Variants in MYO3A observed in about 807,000 individuals in gnomAD.
The protein encoded by MYO3A is myosin IIIA.
MYO3A carries 180 observed loss-of-function variants against 192.7 expected under a neutral mutation model. That is an observed-to-expected ratio of 0.93 (90% CI 0.83 to 1.06). The LOEUF (loss-of-function observed/expected upper bound fraction) is 1.06, where lower values mean the gene tolerates loss of function less well. Ranked by LOEUF, MYO3A falls within the 50% of genes least tolerant of loss-of-function variation. The probability of loss-of-function intolerance (pLI) is 0.00; values close to 1 mark genes in which losing one functional copy is unlikely to be tolerated. For synonymous variants in MYO3A, 628 were observed against 645.3 expected (o/e 0.97, Z 0.41); for missense variants, 1,896 against 1,905.0 (o/e 1.00, Z 0.09).
intron 4 of MYO3A, among the ~76,000 whole-genome samples, chr10:25,971,398 A>G (rs1369057628): frequency 6.6e-6 from 1 of 152,190 alleles, no homozygotes; most frequent in Non-Finnish European, 1.5e-5. Context: ...CATTTACAGT[A>G]TATCTTCATT....
At chr10:26,160,374 T>C (rs1019104878) in intron 26 of MYO3A, among the ~76,000 whole-genome samples, 2 of 152,134 alleles carry the variant, frequency 1.3e-5, no homozygotes, top group African/African-American at 4.8e-5. Context: ...CCAGGAAGGC[T>C]GATGAGAGAG....
intron 7 of MYO3A, among the ~76,000 whole-genome samples, chr10:26,018,901 AT>A (rs1360542040): frequency 6.6e-6 from 1 of 152,194 alleles, no homozygotes; most frequent in Non-Finnish European, 1.5e-5. Flanking sequence ...AAAAGACATT[AT>A]TTTTACACTC....
rs535237118 is a variant in MYO3A at position 26,016,925 on chromosome 10, G to C, written c.585+29G>C. The C allele has an allele frequency of 1.9e-6, 3 of 1,592,050 alleles. No individual in the cohort carries two copies. In the African/African-American group the frequency reaches 4.0e-5, roughly 21 times the overall value. On this transcript the variant is annotated intron_variant, in intron 7 of 34. Coordinates refer to ENST00000642920, the MANE Select transcript of MYO3A (RefSeq NM_017433.5). ...AGATAGAGTTTTGAGGCAGACAAAC[G>C]TAATAGCTGATCCTGTTTGACTTTC...
rs1379413436 is a variant in MYO3A at position 26,016,878 on chromosome 10, G to C, written c.567G>C (p.Pro189=). The change falls in exon 7 of 35, where the codon CCG becomes CCC. Residue 189 remains proline (P), a synonymous_variant. Coordinates refer to ENST00000642920, the MANE Select transcript of MYO3A (RefSeq NM_017433.5). ...RHRRNTSVGT[P]FWMAPEVIAC... is the part of the protein sequence containing the mutation. ...GTCGGAACACATCCGTAGGAACACC[G>C]TTTTGGATGGCTCCTGAGGTCAGAT... The C allele has an allele frequency of 6.2e-7, 1 of 1,614,154 alleles. No homozygotes were observed. The highest frequency in any genetic ancestry group is 1.6e-4 in the Middle Eastern group (1 of 6,062).
intron 15 of MYO3A, among the ~76,000 whole-genome samples, chr10:26,092,465 C>CAAAAA (rs112109851): frequency 4.1e-5 from 6 of 147,876 alleles, no homozygotes; most frequent in Admixed American, 6.7e-5. Flanking sequence ...GACTCTGTCT[C>CAAAAA]AAAAAAAAAA....
chr10:26,200,488 A>G (rs1843632505), intron 32 of MYO3A, among the ~76,000 whole-genome samples: 1 of 152,210 alleles, frequency 6.6e-6, no homozygotes, highest in South Asian at 2.1e-4. Flanking sequence ...GGCAACATGT[A>G]AATAGATGAG....
chr10:25,939,870 C>A (rs1836363295), intron 2 of MYO3A, among the ~76,000 whole-genome samples: 2 of 119,256 alleles, frequency 1.7e-5, no homozygotes, highest in Non-Finnish European at 3.9e-5. Context: ...TTCTTTATTT[C>A]TTTCAGCCTT....
intron 5 of MYO3A, 101 bp from the exon 6 acceptor site, chr10:25,997,058 T>A (rs891749505): frequency 1.5e-5 from 13 of 855,766 alleles, no homozygotes; most frequent in African/African-American, 1.4e-4. Context: ...AATGTTAATT[T>A]TATTATGTGT....
chr10:26,122,270 T>A (rs1334221535), intron 18 of MYO3A, among the ~76,000 whole-genome samples: 1 of 152,236 alleles, frequency 6.6e-6, no homozygotes, highest in Non-Finnish European at 1.5e-5. Flanking sequence ...GACAGTCATA[T>A]AAGTTACAAA....
intron 4 of MYO3A, among the ~76,000 whole-genome samples, chr10:25,993,211 T>C (rs1009825543): frequency 6.6e-6 from 1 of 152,206 alleles, no homozygotes; most frequent in Non-Finnish European, 1.5e-5. Flanking sequence ...TATTCAGAGA[T>C]TCAACTTCTT....
In MYO3A at chr10:26,024,040, A is replaced by G; in HGVS notation, c.750A>G (p.Leu250=). The G allele has an allele frequency of 6.2e-7, 1 of 1,613,068 alleles. No individual in the cohort carries two copies. The highest frequency in any genetic ancestry group is 8.5e-7 in the Non-Finnish European group (1 of 1,179,174). Residue 250 remains leucine (L), a synonymous_variant, in exon 9 of 35, where the codon CTA becomes CTG. Transcript: ENST00000642920. ...TTTCTAGGAATCCACCCCCAAAACT[A>G]AGGCAGCCTGAGCTATGGTCAGCAG... ...FKIPRNPPPK[L]RQPELWSAEF... is the part of the protein sequence containing the mutation.
chr10:26,147,693 T>C, intron 23 of MYO3A, 134 bp downstream of exon 23: 3 of 1,306,268 alleles, frequency 2.3e-6, no homozygotes, highest in South Asian at 2.5e-5. Flanking sequence ...CATTTGTTAA[T>C]ATCCTCTGCC....
intron 2 of MYO3A, among the ~76,000 whole-genome samples, chr10:25,951,069 T>C (rs752830542): frequency 3.3e-5 from 5 of 152,164 alleles, no homozygotes; most frequent in Non-Finnish European, 4.4e-5. Flanking sequence ...ACCTATTCTT[T>C]TAATTAATTG....
At chr10:25,991,688 G>A (rs1254716073) in intron 4 of MYO3A, among the ~76,000 whole-genome samples, 2 of 152,140 alleles carry the variant, frequency 1.3e-5, no homozygotes, top group Non-Finnish European at 2.9e-5. Flanking sequence ...ATTAAGTTTT[G>A]TATAAGGTGT....
intron 17 of MYO3A, among the ~76,000 whole-genome samples, chr10:26,099,680 T>G (rs1837306069): frequency 6.6e-6 from 1 of 152,240 alleles, no homozygotes; most frequent in African/African-American, 2.4e-5. Context: ...ATGTGGTTTT[T>G]GTCTTTAGTT....
chr10:26,071,531 A>T (rs1329635552), intron 14 of MYO3A, among the ~76,000 whole-genome samples: 1 of 152,182 alleles, frequency 6.6e-6, no homozygotes, highest in Non-Finnish European at 1.5e-5. Flanking sequence ...GAAAAATTTG[A>T]TTTTGTCAAA....
At chr10:26,071,008 A>G (rs1433766222) in intron 14 of MYO3A, among the ~76,000 whole-genome samples, 2 of 138,296 alleles carry the variant, frequency 1.4e-5, no homozygotes, top group African/African-American at 2.6e-5. Context: ...CAATTACAAT[A>G]AAAATCCAAA....
intron 31 of MYO3A, among the ~76,000 whole-genome samples, chr10:26,191,292 G>A (rs1843116409): frequency 6.6e-6 from 1 of 152,166 alleles, no homozygotes; most frequent in Non-Finnish European, 1.5e-5. Context: ...TTATGATGGT[G>A]GCAAGAATTC....
At position 26,193,240 on chromosome 10, in the gene MYO3A, C is replaced by A. The variant is rs368473860; in HGVS notation, c.4474C>A (p.Pro1492Thr). Residue 1492 changes from proline to threonine, a missense_variant, in exon 32 of 35, where the codon CCC becomes ACC. Coordinates refer to ENST00000642920, the MANE Select transcript of MYO3A (RefSeq NM_017433.5). ...AGGAGAGGAGCCAAAAATATTGAGACCCCCAAGACGACCCCGGAAACCCAA... is the reference window on the plus strand; with the variant it reads ...AGGAGAGGAGCCAAAAATATTGAGAACCCCAAGACGACCCCGGAAACCCAA... ...CKGEEPKILR[P>T]PRRPRKPKTL... 7.4e-6 allele frequency: 12 copies of A among 1,613,770 alleles called. No homozygotes were observed. In the African/African-American group the frequency reaches 9.4e-5, roughly 13 times the overall value.
Sources: allele counts gnomAD v4.1 joint callset (sites outside exome capture counted in the v4.1 genomes callset), GRCh38; gene constraint gnomAD v4.1.1; transcripts MANE v1.5; gene names NCBI Gene and HGNC (gene_info 2026-07-23, HGNC 2026-07-21).